The following CCAR1 variants were observed in gnomAD, a reference collection of about 807,000 sequenced individuals.
CCAR1 encodes cell division cycle and apoptosis regulator 1, also known as cell division cycle and apoptosis regulator protein 1.
A neutral mutation model predicts 163.8 loss-of-function variants in CCAR1; 78 were observed. That is an observed-to-expected ratio of 0.48 (90% CI 0.40 to 0.57). The LOEUF is 0.57. CCAR1 is among the 20% of genes least tolerant of loss of function. The probability of loss-of-function intolerance (pLI) is 0.00; values close to 1 mark genes in which losing one functional copy is unlikely to be tolerated. For missense variants in CCAR1, 1,019 were observed against 1,365.2 expected, an observed-to-expected ratio of 0.75 and a Z score of 4.00; for synonymous variants, 443 against 460.7, an observed-to-expected ratio of 0.96 and a Z score of 0.49.
At chr10:68,722,434 T>C (rs1292557168) in intron 1 of CCAR1, 21 bp from the exon 2 acceptor site, 2 of 1,222,486 alleles carry the variant, frequency 1.6e-6, no homozygotes, top group Non-Finnish European at 2.4e-6. Flanking sequence ...GACTTTAAAA[T>C]GTGGATCCTT....
At chr10:68,754,357 G>T (rs1346398738) in intron 11 of CCAR1, among the ~76,000 whole-genome samples, 2 of 152,192 alleles carry the variant, frequency 1.3e-5, no homozygotes, top group Non-Finnish European at 2.9e-5. Flanking sequence ...ATGACTTCTG[G>T]TAGCCTCAGA....
At chr10:68,748,572 T>C (rs1050130530) in intron 8 of CCAR1, among the ~76,000 whole-genome samples, 1 of 142,430 alleles carries the variant, frequency 7.0e-6, no homozygotes, top group Non-Finnish European at 1.5e-5. Context: ...CACTGCAACC[T>C]CCGCCTCCCC....
At position 68,753,934 on chromosome 10, in the gene CCAR1, T is replaced by C. The variant is rs2133361574; in HGVS notation, c.1201T>C (p.Trp401Arg). ...PSDFFDAQFT[W>R]VDAFPLSRPF... The stretch of plus-strand genomic sequence containing the variant: ...TGACTTTTTTGATGCTCAATTTACA[T>C]GGGTGGATGCTTTCCCTTTGTCAAG... The change falls in exon 11 of 25, where the codon TGG (tryptophan) becomes CGG (arginine). Residue 401 changes from tryptophan (W) to arginine (R), a missense_variant. Physicochemically the swap from Trp to Arg is moderately radical, Grantham distance 101. Coordinates refer to ENST00000265872, the MANE Select transcript of CCAR1 (RefSeq NM_018237.4). 2 of 1,614,086 alleles carry C rather than the reference T, an allele frequency of 1.2e-6. No individual in the cohort carries two copies. The highest frequency in any genetic ancestry group is 1.7e-6 in the Non-Finnish European group (2 of 1,179,986).
chr10:68,771,751 C>A (rs1036314405), intron 18 of CCAR1, among the ~76,000 whole-genome samples: 1 of 151,932 alleles, frequency 6.6e-6, no homozygotes, highest in African/African-American at 2.4e-5. Context: ...CCACTGCACT[C>A]CAGCCTGGGT....
At chr10:68,776,737 T>C (rs1032814347) in intron 19 of CCAR1, among the ~76,000 whole-genome samples, 7 of 152,112 alleles carry the variant, frequency 4.6e-5, no homozygotes, top group Admixed American at 4.6e-4. Context: ...TTTGTAGAGA[T>C]GGGGTCTCAG....
intron 15 of CCAR1, among the ~76,000 whole-genome samples, chr10:68,760,424 A>G (rs1172875861): frequency 6.6e-6 from 1 of 152,220 alleles, no homozygotes; most frequent in Non-Finnish European, 1.5e-5. Flanking sequence ...TAGGGTAGAC[A>G]GCCAGAAATT....
intron 2 of CCAR1, among the ~76,000 whole-genome samples, chr10:68,734,662 C>A (rs764512768): frequency 1.3e-5 from 2 of 152,064 alleles, no homozygotes; most frequent in Non-Finnish European, 2.9e-5. Context: ...AATTACTTAA[C>A]GCAGTTACGT....
At chr10:68,757,976 C>T (rs1396900152) in intron 15 of CCAR1, among the ~76,000 whole-genome samples, 3 of 149,196 alleles carry the variant, frequency 2.0e-5, no homozygotes, top group East Asian at 2.0e-4. Flanking sequence ...CTCCTGACCT[C>T]GTGATTCACC....
rs768527781 is a variant in CCAR1, at chr10:68,789,929, T to A, written c.3393+14T>A. On this transcript the variant is annotated intron_variant, in intron 24 of 24. Coordinates refer to ENST00000265872, the MANE Select transcript of CCAR1 (RefSeq NM_018237.4). ...GTTCTCAAGAAGGTGAGAAATTTTGTACTTTTAACATTTTCTTAGTTTTAA... is the reference window on the plus strand; with the variant it reads ...GTTCTCAAGAAGGTGAGAAATTTTGAACTTTTAACATTTTCTTAGTTTTAA... 6.7e-7 allele frequency: 1 copy of A among 1,491,996 alleles called. No individual in the cohort carries two copies. Among genetic ancestry groups the A allele is most frequent in the South Asian group, 1.3e-5 (1 of 77,642 alleles). 92.4% of individuals were successfully genotyped at this position (1,491,996 alleles called of 1,614,324 possible).
chr10:68,755,156 A>G (rs2056382774), intron 12 of CCAR1: 1 of 735,830 alleles, frequency 1.4e-6, no homozygotes, highest in South Asian at 1.4e-5. Flanking sequence ...TATCTGAAGA[A>G]ATATTTTAAA....
intron 16 of CCAR1, among the ~76,000 whole-genome samples, chr10:68,764,417 TG>T (rs2133384016): frequency 6.6e-6 from 1 of 152,052 alleles, no homozygotes; most frequent in African/African-American, 2.4e-5. Flanking sequence ...CATGGTCACA[TG>T]TGGCTGTAGT....
intron 19 of CCAR1, among the ~76,000 whole-genome samples, chr10:68,777,204 A>C (rs2056677083): frequency 6.6e-6 from 1 of 152,228 alleles, no homozygotes; most frequent in Non-Finnish European, 1.5e-5. Context: ...CTATAATGCA[A>C]GCCACATTAT....
intron 16 of CCAR1, among the ~76,000 whole-genome samples, chr10:68,764,276 GC>G (rs1349645311): frequency 6.6e-6 from 1 of 151,846 alleles, no homozygotes; most frequent in East Asian, 1.9e-4. Context: ...CCACCACCCT[GC>G]CAGCCTCCGT....
intron 10 of CCAR1, among the ~76,000 whole-genome samples, chr10:68,751,944 T>C (rs1478963385): frequency 7.4e-6 from 1 of 136,034 alleles, no homozygotes; most frequent in African/African-American, 2.8e-5. Flanking sequence ...TGAGATGGAG[T>C]CTTGCTCTGT....
chr10:68,785,365 C>T (rs1054387079), intron 19 of CCAR1, among the ~76,000 whole-genome samples: 1 of 151,960 alleles, frequency 6.6e-6, no homozygotes, highest in East Asian at 1.9e-4. Context: ...GGACTACAGG[C>T]GTGTGCTACC....
intron 16 of CCAR1, among the ~76,000 whole-genome samples, chr10:68,763,263 G>T (rs1447800690): frequency 6.6e-6 from 1 of 151,216 alleles, no homozygotes; most frequent in Non-Finnish European, 1.5e-5. Flanking sequence ...CTATTCTTCT[G>T]CCTCAGCCTC....
At chr10:68,762,514 A>G (rs1457812574) in intron 16 of CCAR1, among the ~76,000 whole-genome samples, 3 of 152,166 alleles carry the variant, frequency 2.0e-5, no homozygotes, top group South Asian at 2.1e-4. Flanking sequence ...TTTATGTCCA[A>G]TAGAATAACT....
At chr10:68,774,890 A>T (rs2056644800) in intron 19 of CCAR1, 1 of 372,294 alleles carries the variant, frequency 2.7e-6, no homozygotes. Context: ...GTGGCTTTTT[A>T]AAAAATTATA....
At chr10:68,752,995 A>G (rs923878584) in intron 10 of CCAR1, among the ~76,000 whole-genome samples, 2 of 152,204 alleles carry the variant, frequency 1.3e-5, no homozygotes, top group Admixed American at 6.5e-5. Flanking sequence ...GGCAGGTAAT[A>G]GTCTGTTAAC....
Sources: gnomAD v4.1 joint callset for allele counts (sites outside exome capture counted in the v4.1 genomes callset) on GRCh38, gnomAD v4.1.1 for gene constraint, MANE v1.5 for transcripts, NCBI Gene and HGNC (gene_info 2026-07-23, HGNC 2026-07-21) for gene names.